MORN3: variants seen among roughly 807,000 people sequenced by gnomAD.
The protein encoded by MORN3 is MORN repeat containing 3.
In MORN3, 38 loss-of-function variants were observed where a neutral mutation model predicts 34.7. That is an observed-to-expected ratio of 1.10 (90% CI 0.85 to 1.44). MORN3 has a LOEUF of 1.44. Ranked by LOEUF, MORN3 falls within the 40% of genes most tolerant of loss-of-function variation. The pLI, the probability that MORN3 is intolerant of heterozygous loss-of-function variation, is 0.00. For missense variants in MORN3, 311 were observed against 321.7 expected (o/e 0.97, Z 0.25); for synonymous variants, 109 against 115.3 (o/e 0.95, Z 0.35).
chr12:121,657,767 T>G (rs1262703682), intron 2 of MORN3, among the ~76,000 whole-genome samples: 7 of 151,984 alleles, frequency 4.6e-5, no homozygotes, highest in African/African-American at 1.4e-4. Context: ...CTCGGGAGAC[T>G]GAGGCAGGAG....
chr12:121,657,775 G>A (rs1037503583), intron 2 of MORN3, among the ~76,000 whole-genome samples: 6 of 152,082 alleles, frequency 3.9e-5, no homozygotes, highest in Admixed American at 6.6e-5. Flanking sequence ...ACTGAGGCAG[G>A]AGAATCGCTT....
upstream of MORN3, among the ~76,000 whole-genome samples, chr12:121,669,828 ATATATT>A (rs906981635): frequency 8.5e-5 from 10 of 117,502 alleles, no homozygotes; most frequent in African/African-American, 3.8e-4. Context: ...ATATATATAT[ATATATT>A]TTTTTTTTTA....
Position 121,651,572 on chromosome 12 carries a change from T to C in MORN3, c.*79A>G. 6.6e-6 allele frequency: 1 copy of C among 152,560 alleles called. No homozygotes were observed. The highest frequency in any genetic ancestry group is 1.5e-5 in the Non-Finnish European group (1 of 68,226). 9.5% of individuals were successfully genotyped at this position (152,560 alleles called of 1,614,324 possible). A position where few individuals can be genotyped will look rare whatever the true frequency, so the allele number is the denominator to read the frequency against. ...CATGCCTGGAGCTGCTGCTGACTCC[T>C]CCAGCCAGAGCCGCACTGGTCTGAG... On this transcript the variant is annotated 3_prime_UTR_variant, in exon 6 of 6. Coordinates refer to ENST00000355329, the MANE Select transcript of MORN3 (RefSeq NM_173855.5).
intron 1 of MORN3, among the ~76,000 whole-genome samples, chr12:121,662,464 A>G (rs1259518215): frequency 6.6e-6 from 1 of 151,886 alleles, no homozygotes; most frequent in Non-Finnish European, 1.5e-5. Flanking sequence ...AGACTGTCTC[A>G]AAACAAACAG....
chr12:121,669,245 T>C, intron 1 of MORN3, 94 bp downstream of exon 1: 1 of 1,522,858 alleles, frequency 6.6e-7, no homozygotes. Flanking sequence ...ACACATCTCA[T>C]GTCCCCAGTG....
chr12:121,668,701 CAG>C (rs1294449920), intron 1 of MORN3, among the ~76,000 whole-genome samples: 1 of 152,050 alleles, frequency 6.6e-6, no homozygotes, highest in Non-Finnish European at 1.5e-5. Context: ...TTTTTTGAGA[CAG>C]AGCAAGACCT....
chr12:121,660,005 G>A (rs972110191), intron 1 of MORN3, among the ~76,000 whole-genome samples: 8 of 151,686 alleles, frequency 5.3e-5, no homozygotes, highest in Non-Finnish European at 8.8e-5. Context: ...AGGCTGAGGC[G>A]GGTGGATCAC....
chr12:121,658,703 A>T (rs1555325967), intron 2 of MORN3, among the ~76,000 whole-genome samples: 1 of 150,672 alleles, frequency 6.6e-6, no homozygotes, highest in East Asian at 1.9e-4. Flanking sequence ...GAGTAGATGG[A>T]GGGAACCTGT....
intron 1 of MORN3, among the ~76,000 whole-genome samples, chr12:121,664,931 C>T (rs1326882352): frequency 3.4e-5 from 5 of 145,660 alleles, no homozygotes; most frequent in African/African-American, 1.0e-4. Context: ...TGGGTGGCTT[C>T]AGTCTCTCCT....
At chr12:121,670,956 C>G (rs1333878826), upstream of MORN3, among the ~76,000 whole-genome samples, 3 of 149,950 alleles carry the variant, frequency 2.0e-5, no homozygotes, top group East Asian at 3.9e-4. Context: ...ACTAAAAATA[C>G]AAAAATTAGC....
chr12:121,672,222 G>A (rs1385697973), upstream of MORN3, among the ~76,000 whole-genome samples: 1 of 151,962 alleles, frequency 6.6e-6, no homozygotes, highest in Non-Finnish European at 1.5e-5. Context: ...ACGTTGGGAA[G>A]CTGATGCGGG....
At chr12:121,667,708 T>C (rs1313108957) in intron 1 of MORN3, among the ~76,000 whole-genome samples, 2 of 148,696 alleles carry the variant, frequency 1.3e-5, no homozygotes, top group Non-Finnish European at 3.0e-5. Flanking sequence ...TTACTCCCTC[T>C]CCTCCAAGTC....
intron 1 of MORN3, among the ~76,000 whole-genome samples, chr12:121,660,351 C>CT (rs1566482948): frequency 7.8e-6 from 1 of 127,624 alleles, no homozygotes; most frequent in African/African-American, 3.6e-5. Context: ...TTCTTTCTTT[C>CT]TTTCTTTTTT....
intron 1 of MORN3, among the ~76,000 whole-genome samples, chr12:121,667,399 G>A (rs1486890310): frequency 2.6e-5 from 4 of 151,872 alleles, no homozygotes; most frequent in Admixed American, 1.3e-4. Context: ...GATTACAGGC[G>A]TTCACCACTC....
At position 121,669,478 on chromosome 12, in the gene MORN3, T is replaced by C. The variant is rs1893881787; in HGVS notation, c.6A>G (p.Pro2=). ...CCGACTTTTTTGGGCACTTAGAGAC[T>C]GGCATGGTGGCTGCTTCTGCAAGGC... M[P]VSKCPKKSES... Residue 2 remains proline, a synonymous_variant, in exon 1 of 6, where the codon CCA becomes CCG. Transcript: ENST00000355329. The C allele has an allele frequency of 2.5e-6, 4 of 1,613,490 alleles. No individual in the cohort carries two copies. Among genetic ancestry groups the C allele is most frequent in the Admixed American group, 3.3e-5 (2 of 60,004 alleles).
chr12:121,652,888 G>T, intron 4 of MORN3, 80 bp from the exon 5 acceptor site: 1 of 1,521,678 alleles, frequency 6.6e-7, no homozygotes, highest in South Asian at 1.1e-5. Context: ...TGCCTGCCGT[G>T]TGGGGTGCTG....
rs373871439 is a variant in MORN3, at chr12:121,665,439, C to T, written c.145+3900G>A. 3.1e-3 allele frequency among the ~76,000 whole-genome samples: 458 copies of T among 150,094 alleles called. 5 individuals are homozygous for T. Among genetic ancestry groups the T allele is most frequent in the African/African-American group, 0.011 (442 of 41,100 alleles). ...CTCAGTAGCTGGGACTACAGGCGCC[C>T]GCCACCACGCCCGGCTAATTTTTTG... On this transcript the variant is annotated intron_variant, in intron 1 of 5. Coordinates refer to ENST00000355329, the MANE Select transcript of MORN3 (RefSeq NM_173855.5).
upstream of MORN3, among the ~76,000 whole-genome samples, chr12:121,670,591 C>T (rs182970033): frequency 1.3e-3 from 200 of 150,826 alleles, 1 homozygote; most frequent in African/African-American, 4.2e-3. Context: ...GGTGGATCAC[C>T]TGAGGTCAGG....
chr12:121,649,387 G>C lies in MORN3; in HGVS notation c.*2264C>G, dbSNP rs1324650431. ...TTCCTCCTCTAAAATGGCAGTAATA[G>C]CAAGACACCTCACTGTTGTCGGGGA... is the stretch of plus-strand genomic sequence containing the variant. On this transcript the variant is annotated 3_prime_UTR_variant, in exon 6 of 6. Transcript: ENST00000355329. The C allele has an allele frequency of 1.3e-5, 2 of 152,282 alleles. No individual in the cohort carries two copies. The highest frequency in any genetic ancestry group is 2.9e-5 in the Non-Finnish European group (2 of 68,136). 9.4% of individuals were successfully genotyped at this position (152,282 alleles called of 1,614,324 possible).
Sources: allele counts gnomAD v4.1 joint callset (sites outside exome capture counted in the v4.1 genomes callset), GRCh38; gene constraint gnomAD v4.1.1; transcripts MANE v1.5; gene names NCBI Gene and HGNC (gene_info 2026-07-23, HGNC 2026-07-21).